CSMD1: variants seen among roughly 807,000 people sequenced by gnomAD.
CSMD1 encodes CUB and sushi domain-containing protein 1.
Under a neutral mutation model 417.5 loss-of-function variants are expected in CSMD1, and 213 were observed. The ratio of observed to expected loss-of-function variants is 0.51; its 90% confidence interval spans 0.46 to 0.57. CSMD1 has a LOEUF of 0.57. CSMD1 is among the 20% of genes least tolerant of loss of function. The pLI is 0.00. For synonymous variants in CSMD1, 2,862 were observed against 1,736.8 expected (o/e 1.65, Z -16.11); for missense variants, 6,923 against 4,529.7 (o/e 1.53, Z -15.17).
At chr8:3,416,453 G>T (rs1441535180) in intron 12 of CSMD1, among the ~76,000 whole-genome samples, 5 of 152,076 alleles carry the variant, frequency 3.3e-5, no homozygotes, top group African/African-American at 1.2e-4. Context: ...GACTATGATG[G>T]ATTTTTAAAC....
At chr8:4,229,354 T>A (rs1402792743) in intron 3 of CSMD1, among the ~76,000 whole-genome samples, 2 of 152,208 alleles carry the variant, frequency 1.3e-5, no homozygotes, top group East Asian at 3.9e-4. Flanking sequence ...TATCCACTTT[T>A]GTGCCATCAT....
intron 6 of CSMD1, among the ~76,000 whole-genome samples, chr8:3,721,507 G>A (rs1485152034): frequency 6.6e-6 from 1 of 152,186 alleles, no homozygotes; most frequent in African/African-American, 2.4e-5. Flanking sequence ...GTAACTTACA[G>A]CATTCTAGAG....
intron 2 of CSMD1, among the ~76,000 whole-genome samples, chr8:4,531,973 G>C (rs1047334051): frequency 2.9e-4 from 25 of 85,216 alleles, no homozygotes; most frequent in Non-Finnish European, 3.9e-4. Context: ...CCTCCATTCA[G>C]TCACTCCGAA....
At chr8:3,039,946 C>T (rs187341632) in intron 50 of CSMD1, among the ~76,000 whole-genome samples, 1 of 152,162 alleles carries the variant, frequency 6.6e-6, no homozygotes, top group Non-Finnish European at 1.5e-5. Context: ...ATAGTCATAG[C>T]ACGGAATTCT....
intron 26 of CSMD1, among the ~76,000 whole-genome samples, chr8:3,231,493 G>T (rs1798835743): frequency 6.6e-6 from 1 of 152,118 alleles, no homozygotes; most frequent in South Asian, 2.1e-4. Flanking sequence ...AAGCATTTGT[G>T]TGTGTGCGTG....
chr8:4,394,512 G>C (rs1030745767), intron 3 of CSMD1, among the ~76,000 whole-genome samples: 2 of 152,170 alleles, frequency 1.3e-5, no homozygotes, highest in Non-Finnish European at 2.9e-5. Flanking sequence ...GAATGAGTGA[G>C]ATGAGGCGCT....
At chr8:4,072,809 G>A (rs1047833045) in intron 3 of CSMD1, among the ~76,000 whole-genome samples, 3 of 152,118 alleles carry the variant, frequency 2.0e-5, no homozygotes, top group African/African-American at 4.8e-5. Context: ...AAGCTCATAG[G>A]TTTCAAGGCA....
chr8:3,855,052 G>C (rs865864516), intron 5 of CSMD1, among the ~76,000 whole-genome samples: 3 of 152,062 alleles, frequency 2.0e-5, no homozygotes, highest in Non-Finnish European at 4.4e-5. Context: ...CAGAGAGCTT[G>C]AGAGAAATGA....
chr8:4,160,176 C>G (rs1209135837), intron 3 of CSMD1, among the ~76,000 whole-genome samples: 1 of 151,726 alleles, frequency 6.6e-6, no homozygotes, highest in Non-Finnish European at 1.5e-5. Context: ...CTGACTAAGA[C>G]TTAAGGGGAA....
chr8:3,384,687 AT>A (rs1810862572), intron 18 of CSMD1, among the ~76,000 whole-genome samples: 3 of 125,630 alleles, frequency 2.4e-5, no homozygotes, highest in African/African-American at 9.0e-5. Context: ...ATATAAATAT[AT>A]ATTTATATAA....
intron 1 of CSMD1, among the ~76,000 whole-genome samples, chr8:4,764,976 T>C (rs1369440137): frequency 6.6e-6 from 1 of 152,032 alleles, no homozygotes; most frequent in Non-Finnish European, 1.5e-5. Context: ...TTTAAAATTC[T>C]AGAGCTGTTT....
chr8:3,962,372 G>C (rs1015987296), intron 5 of CSMD1, among the ~76,000 whole-genome samples: 1 of 152,192 alleles, frequency 6.6e-6, no homozygotes, highest in Non-Finnish European at 1.5e-5. Context: ...AGCAGAGTCA[G>C]GCAGCACGGG....
intron 18 of CSMD1, among the ~76,000 whole-genome samples, chr8:3,378,309 C>G (rs1366390986): frequency 6.6e-6 from 1 of 152,158 alleles, no homozygotes; most frequent in Non-Finnish European, 1.5e-5. Context: ...CAGTCGAATT[C>G]TCCCAGAAGT....
intron 1 of CSMD1, among the ~76,000 whole-genome samples, chr8:4,918,673 A>G (rs973678389): frequency 5.3e-5 from 8 of 152,252 alleles, no homozygotes; most frequent in African/African-American, 1.9e-4. Context: ...TCACTATTTC[A>G]GTGAAATAAA....
At chr8:3,108,498 C>T (rs572246472) in intron 44 of CSMD1, 105 bp downstream of exon 44, 20 of 1,217,620 alleles carry the variant, frequency 1.6e-5, no homozygotes, top group African/African-American at 3.0e-5. Context: ...TACACGCCCT[C>T]GGCTGAATCA....
At chr8:4,508,856 T>C (rs1563242839) in intron 2 of CSMD1, among the ~76,000 whole-genome samples, 1 of 152,196 alleles carries the variant, frequency 6.6e-6, no homozygotes, top group Admixed American at 6.5e-5. Flanking sequence ...GAATGTAAGC[T>C]TTCTGGAAGC....
intron 3 of CSMD1, among the ~76,000 whole-genome samples, chr8:4,393,973 T>C (rs984298081): frequency 6.6e-6 from 1 of 152,202 alleles, no homozygotes; most frequent in Non-Finnish European, 1.5e-5. Context: ...ATATGCCATT[T>C]GCCAATTTGC....
rs758564548 is a variant in CSMD1 at position 4,031,915 on chromosome 8, G to C, written c.600C>G (p.Pro200=). 3.7e-6 allele frequency: 6 copies of C among 1,613,184 alleles called. No individual in the cohort carries two copies. The highest frequency in any genetic ancestry group is 2.2e-5 in the East Asian group (1 of 44,838). The part of the protein sequence containing the change: ...GNGASWDFPA[P]FCRAEGACGG... ...CTTGTAGCACTGTACCTCTGCAAAA[G>C]GGAGCTGGGAAGTCCCACGATGCAC... Residue 200 remains proline, a synonymous_variant, in exon 4 of 70, where the codon CCC becomes CCG. Coordinates refer to ENST00000635120, the MANE Select transcript of CSMD1 (RefSeq NM_033225.6).
At chr8:4,450,805 G>A (rs567871227) in intron 2 of CSMD1, among the ~76,000 whole-genome samples, 7 of 152,194 alleles carry the variant, frequency 4.6e-5, no homozygotes, top group South Asian at 4.2e-4. Flanking sequence ...TTTCATTTAC[G>A]AGAGGCATAA....
Sources: allele counts gnomAD v4.1 joint callset (sites outside exome capture counted in the v4.1 genomes callset), GRCh38; gene constraint gnomAD v4.1.1; transcripts MANE v1.5; gene names NCBI Gene and HGNC (gene_info 2026-07-23, HGNC 2026-07-21).